Variants in TRAPPC9 observed in about 807,000 individuals in gnomAD.
The protein encoded by TRAPPC9 is IKK2 binding protein.
TRAPPC9 carries 83 observed loss-of-function variants against 124.0 expected under a neutral mutation model. The ratio of observed to expected loss-of-function variants is 0.67; its 90% confidence interval spans 0.56 to 0.80. TRAPPC9 has a LOEUF of 0.80. Ranked by LOEUF, TRAPPC9 falls within the 30% of genes least tolerant of loss-of-function variation. The probability of loss-of-function intolerance (pLI) is 0.00; values close to 1 mark genes in which losing one functional copy is unlikely to be tolerated. For missense variants in TRAPPC9, 1,302 were observed against 1,508.3 expected (o/e 0.86, Z 2.27); for synonymous variants, 638 against 617.5 (o/e 1.03, Z -0.49).
At chr8:140,062,102 C>T (rs1466591313) in intron 17 of TRAPPC9, among the ~76,000 whole-genome samples, 1 of 152,184 alleles carries the variant, frequency 6.6e-6, no homozygotes, top group Non-Finnish European at 1.5e-5. Context: ...AAGGCAACAC[C>T]TTCCAGGACC....
At chr8:139,992,850 G>C (rs949043492) in intron 18 of TRAPPC9, among the ~76,000 whole-genome samples, 1 of 151,992 alleles carries the variant, frequency 6.6e-6, no homozygotes, top group African/African-American at 2.4e-5. Context: ...AAATGACTAT[G>C]CAGGTACACA....
At chr8:139,889,656 C>T (rs773753806) in intron 20 of TRAPPC9, among the ~76,000 whole-genome samples, 22 of 152,106 alleles carry the variant, frequency 1.4e-4, no homozygotes, top group Non-Finnish European at 2.8e-4. Flanking sequence ...CTTAAAATGC[C>T]GACCCAGGAA....
intron 6 of TRAPPC9, among the ~76,000 whole-genome samples, chr8:140,398,812 G>A (rs965087114): frequency 6.6e-6 from 1 of 152,262 alleles, no homozygotes; most frequent in Admixed American, 6.5e-5. Flanking sequence ...ATTTGCATAA[G>A]TAAGAGGCAG....
chr8:140,005,018 T>C (rs1389006270), intron 18 of TRAPPC9, among the ~76,000 whole-genome samples: 1 of 152,202 alleles, frequency 6.6e-6, no homozygotes, highest in Non-Finnish European at 1.5e-5. Context: ...CTTTTTCACA[T>C]TTTAAGAAAG....
intron 8 of TRAPPC9, among the ~76,000 whole-genome samples, chr8:140,368,267 T>C (rs2068179163): frequency 6.6e-6 from 1 of 152,154 alleles, no homozygotes; most frequent in Non-Finnish European, 1.5e-5. Context: ...AGGCCTTCTA[T>C]TCCGCAGGGA....
At position 139,907,865 on chromosome 8, in the gene TRAPPC9, G is replaced by A. The variant is rs907584290; in HGVS notation, c.2964+2282C>T. 6.6e-5 allele frequency among the ~76,000 whole-genome samples: 10 copies of A among 152,220 alleles called. No homozygotes were observed. Among genetic ancestry groups the A allele is most frequent in the Non-Finnish European group, 4.4e-5 (3 of 68,042 alleles). On this transcript the variant is annotated intron_variant, in intron 20 of 22. Transcript: ENST00000438773. This position sits in a 1 kb window ranked among gnomAD's most constrained non-coding sequence, Gnocchi z 4.7. ...CATTAGAAGGCAGCATGTGCTGGGCGGGGACTGCAGGCTGGCAGACAAGCT... is the reference window on the plus strand; with the variant it reads ...CATTAGAAGGCAGCATGTGCTGGGCAGGGACTGCAGGCTGGCAGACAAGCT...
chr8:140,016,945 C>G (rs1839504264), intron 18 of TRAPPC9, among the ~76,000 whole-genome samples: 2 of 152,206 alleles, frequency 1.3e-5, no homozygotes, highest in Admixed American at 1.3e-4. Context: ...CACATTCTCC[C>G]TAACATTTGG....
At chr8:139,878,098 A>G (rs995221448) in intron 21 of TRAPPC9, among the ~76,000 whole-genome samples, 14 of 152,270 alleles carry the variant, frequency 9.2e-5, no homozygotes, top group Admixed American at 8.5e-4. Context: ...TGTAACTTTT[A>G]TAATAGCAAA....
rs761740820 is a variant in TRAPPC9 at position 140,451,224 on chromosome 8, C to A, written c.150G>T (p.Gln50His). The change falls in exon 2 of 23, where the codon CAG becomes CAT. Residue 50 changes from glutamine (Q) to histidine (H), a missense_variant. Gln to His is a conservative substitution (Grantham distance 24). Coordinates refer to ENST00000438773, the MANE Select transcript of TRAPPC9 (RefSeq NM_001160372.4). ...SVSQISVRDS[Q>H]RVLYIRYRHH... The stretch of plus-strand genomic sequence containing the variant: ...GCCTGTAGCGGATGTAGAGGACTCG[C>A]TGGGAGTCCCGCACGCTGATCTGAC... 11 of 1,614,072 alleles carry A rather than the reference C, an allele frequency of 6.8e-6. No homozygotes were observed. Among genetic ancestry groups the A allele is most frequent in the Non-Finnish European group, 9.3e-6 (11 of 1,180,034 alleles).
At chr8:139,986,568 C>T (rs1837250124) in intron 19 of TRAPPC9, among the ~76,000 whole-genome samples, 1 of 152,194 alleles carries the variant, frequency 6.6e-6, no homozygotes, top group African/African-American at 2.4e-5. Flanking sequence ...TGCATTACCA[C>T]CTAATGTGTT....
At position 140,332,641 on chromosome 8, in the gene TRAPPC9, A is replaced by T. The variant is rs866096234; in HGVS notation, c.1496-21267T>A. 4.9e-4 allele frequency among the ~76,000 whole-genome samples: 74 copies of T among 152,266 alleles called. No individual in the cohort carries two copies. In the East Asian group the frequency reaches 0.013, roughly 27 times the overall value. On this transcript the variant is annotated intron_variant, in intron 9 of 22. Transcript: ENST00000438773. ...CTAAAATAAAAAATTTTAAAGTTTT[A>T]AAAAAATAAAGATAATAAATTATTA...
intron 18 of TRAPPC9, among the ~76,000 whole-genome samples, chr8:139,999,817 C>A (rs1838273929): frequency 6.6e-6 from 1 of 152,078 alleles, no homozygotes; most frequent in Non-Finnish European, 1.5e-5. Context: ...TCAAAACAAC[C>A]CACTGTTCAA....
intron 17 of TRAPPC9, among the ~76,000 whole-genome samples, chr8:140,072,593 A>AAGGAGG (rs139221264): frequency 1.4e-5 from 2 of 141,248 alleles, no homozygotes; most frequent in African/African-American, 5.4e-5. Context: ...AGGAGAAGGG[A>AAGGAGG]AGGAGGAGGA....
intron 21 of TRAPPC9, among the ~76,000 whole-genome samples, chr8:139,826,970 A>G (rs913508302): frequency 2.6e-5 from 4 of 152,206 alleles, no homozygotes; most frequent in African/African-American, 9.6e-5. Context: ...CGTGTGATCA[A>G]AGAAGGGACA....
At chr8:140,007,324 C>A (rs2131829075) in intron 18 of TRAPPC9, among the ~76,000 whole-genome samples, 1 of 152,270 alleles carries the variant, frequency 6.6e-6, no homozygotes, top group East Asian at 1.9e-4. Flanking sequence ...TAATCAAAAT[C>A]CATTTGCAGC....
chr8:140,075,410 G>A (rs1439614914), intron 17 of TRAPPC9, among the ~76,000 whole-genome samples: 13 of 152,156 alleles, frequency 8.5e-5, no homozygotes, highest in African/African-American at 4.8e-5. Flanking sequence ...CAGACAGCAC[G>A]AATGTCAGAC....
At chr8:140,238,493 T>C (rs1200053565) in intron 16 of TRAPPC9, 2 of 152,166 alleles carry the variant, frequency 1.3e-5, no homozygotes, top group African/African-American at 2.4e-5. Context: ...CGCCACGCTG[T>C]GAAATTACTG....
At chr8:140,339,959 C>T (rs1176547946) in intron 9 of TRAPPC9, among the ~76,000 whole-genome samples, 1 of 150,948 alleles carries the variant, frequency 6.6e-6, no homozygotes, top group Non-Finnish European at 1.5e-5. Flanking sequence ...TCTCCTGTCT[C>T]AGCCTCCCAA....
At chr8:140,354,387 A>G (rs546991445) in intron 9 of TRAPPC9, among the ~76,000 whole-genome samples, 2 of 152,334 alleles carry the variant, frequency 1.3e-5, no homozygotes, top group Admixed American at 1.3e-4. Flanking sequence ...CACGGTTCCT[A>G]AGAAGATTCC....
Sources: allele counts gnomAD v4.1 joint callset (sites outside exome capture counted in the v4.1 genomes callset), GRCh38; gene constraint gnomAD v4.1.1; non-coding constraint Gnocchi (gnomAD v3.1); transcripts MANE v1.5; gene names NCBI Gene and HGNC (gene_info 2026-07-23, HGNC 2026-07-21).